Variants in NEK7 observed in about 807,000 individuals in gnomAD.
NEK7 encodes serine/threonine-protein kinase Nek7.
Under a neutral mutation model 44.6 loss-of-function variants are expected in NEK7, and 18 were observed. That is an observed-to-expected ratio of 0.40 (90% CI 0.28 to 0.60). NEK7 has a LOEUF of 0.60. Ranked by LOEUF, NEK7 falls within the 20% of genes least tolerant of loss-of-function variation. The pLI, the probability that NEK7 is intolerant of heterozygous loss-of-function variation, is 0.38. For synonymous variants in NEK7, 130 were observed against 121.1 expected (o/e 1.07, Z -0.48); for missense variants, 256 against 366.5 (o/e 0.70, Z 2.46).
At chr1:198,256,495 T>G (rs1330664422) in intron 3 of NEK7, 1 of 1,569,404 alleles carries the variant, frequency 6.4e-7, no homozygotes, top group South Asian at 1.2e-5. Context: ...AATAAGATGG[T>G]ACCTTAACTA....
intron 1 of NEK7, among the ~76,000 whole-genome samples, chr1:198,184,757 C>A (rs886596677): frequency 2.0e-5 from 3 of 152,112 alleles, no homozygotes; most frequent in African/African-American, 7.2e-5. Context: ...CGGCTTCGAA[C>A]TCCAGGGCTG....
At chr1:198,249,826 A>G (rs1490858393) in intron 2 of NEK7, among the ~76,000 whole-genome samples, 1 of 105,518 alleles carries the variant, frequency 9.5e-6, no homozygotes, top group Non-Finnish European at 1.7e-5. Context: ...ATTTTCTCCC[A>G]TTTTGTAGGT....
intron 7 of NEK7, among the ~76,000 whole-genome samples, chr1:198,284,091 C>G (rs1362323070): frequency 1.3e-5 from 2 of 152,082 alleles, no homozygotes; most frequent in Non-Finnish European, 2.9e-5. Flanking sequence ...TAGTTCTTTA[C>G]AGTTTGCAAA....
At chr1:198,252,928 A>G in intron 2 of NEK7, 112 bp from the exon 3 acceptor site, 1 of 818,886 alleles carries the variant, frequency 1.2e-6, no homozygotes, top group Non-Finnish European at 2.0e-6. Flanking sequence ...GAGTGAATGG[A>G]TGTCTGCAAA....
chr1:198,317,054 C>CT (rs1437119260), intron 9 of NEK7, among the ~76,000 whole-genome samples: 1 of 151,962 alleles, frequency 6.6e-6, no homozygotes, highest in Non-Finnish European at 1.5e-5. Flanking sequence ...TCTTTTTATA[C>CT]TTTATTAATT....
intron 1 of NEK7, among the ~76,000 whole-genome samples, chr1:198,210,286 A>G (rs1327244662): frequency 1.3e-5 from 2 of 152,050 alleles, no homozygotes; most frequent in African/African-American, 2.4e-5. Context: ...GGGTCTTGCT[A>G]TGTTGCTTAG....
At chr1:198,239,397 A>G (rs1269666179) in intron 2 of NEK7, among the ~76,000 whole-genome samples, 1 of 152,066 alleles carries the variant, frequency 6.6e-6, no homozygotes, top group Non-Finnish European at 1.5e-5. Context: ...TGGTAATGTG[A>G]TGGATTTAGG....
intron 8 of NEK7, among the ~76,000 whole-genome samples, chr1:198,295,033 T>A (rs980436267): frequency 6.6e-6 from 1 of 152,030 alleles, no homozygotes; most frequent in Non-Finnish European, 1.5e-5. Flanking sequence ...GAAGCCTTTT[T>A]TGAAAATGTA....
intron 5 of NEK7, among the ~76,000 whole-genome samples, chr1:198,276,661 C>T (rs1654027167): frequency 6.6e-6 from 1 of 151,618 alleles, no homozygotes; most frequent in Non-Finnish European, 1.5e-5. Flanking sequence ...TGTAATGTTA[C>T]TGATATAATA....
At chr1:198,258,962 A>T (rs1238122541) in intron 3 of NEK7, among the ~76,000 whole-genome samples, 4 of 152,144 alleles carry the variant, frequency 2.6e-5, no homozygotes, top group African/African-American at 9.7e-5. Context: ...ATTATTATTT[A>T]TTTTTGTCTT....
chr1:198,301,581 C>G (rs761596438), intron 9 of NEK7, among the ~76,000 whole-genome samples: 4 of 152,130 alleles, frequency 2.6e-5, no homozygotes, highest in Non-Finnish European at 5.9e-5. Flanking sequence ...CATAACATTT[C>G]TTTTCATGTT....
chr1:198,219,654 T>A (rs1034822054), intron 1 of NEK7, among the ~76,000 whole-genome samples: 5 of 151,956 alleles, frequency 3.3e-5, no homozygotes, highest in Non-Finnish European at 5.9e-5. Flanking sequence ...ACTTCACCAC[T>A]GTACACACAT....
chr1:198,221,538 A>C (rs1258280983), intron 1 of NEK7, among the ~76,000 whole-genome samples: 2 of 151,708 alleles, frequency 1.3e-5, no homozygotes, highest in Non-Finnish European at 2.9e-5. Context: ...AGCCTCATTA[A>C]AAAAACTTTT....
chr1:198,310,504 A>G lies in NEK7; in HGVS notation c.799-8908A>G, dbSNP rs1161001005. 5.1e-5 allele frequency among the ~76,000 whole-genome samples: 7 copies of G among 138,024 alleles called. 2 individuals are homozygous for G. The highest frequency in any genetic ancestry group is 9.3e-5 in the Non-Finnish European group (6 of 64,338). The allele number at this position is 138,024 out of a possible 152,430, so 90.5% of individuals were successfully genotyped here. On this transcript the variant is annotated intron_variant, in intron 9 of 9. Coordinates refer to ENST00000367385, the MANE Select transcript of NEK7 (RefSeq NM_133494.3). The stretch of plus-strand genomic sequence containing the variant: ...TGCCATTGCTTTTGGTGTTTTAGAC[A>G]TGAAGTCCTTGCCCATGGTATGTCC...
chr1:198,178,582 G>A (rs982271788), intron 1 of NEK7, among the ~76,000 whole-genome samples: 5 of 152,056 alleles, frequency 3.3e-5, no homozygotes, highest in South Asian at 2.1e-4. Flanking sequence ...GCACTTTAGT[G>A]TAATTGGATC....
intron 2 of NEK7, among the ~76,000 whole-genome samples, chr1:198,243,800 A>C (rs1209632214): frequency 6.6e-6 from 1 of 152,138 alleles, no homozygotes; most frequent in African/African-American, 2.4e-5. Context: ...AATAGGTTAC[A>C]TTTGACATTT....
At chr1:198,157,748 T>TCA (rs1663957834) in intron 1 of NEK7, among the ~76,000 whole-genome samples, 1 of 151,632 alleles carries the variant, frequency 6.6e-6, no homozygotes, top group Non-Finnish European at 1.5e-5. Flanking sequence ...AGAGAGTGGG[T>TCA]GGTGGGAGCC....
At chr1:198,180,070 G>T (rs767693162) in intron 1 of NEK7, among the ~76,000 whole-genome samples, 1 of 152,058 alleles carries the variant, frequency 6.6e-6, no homozygotes, top group Non-Finnish European at 1.5e-5. Flanking sequence ...AATGATAAGT[G>T]TAAAATGTCA....
intron 1 of NEK7, among the ~76,000 whole-genome samples, chr1:198,185,351 C>A (rs1042585223): frequency 1.3e-5 from 2 of 151,718 alleles, no homozygotes; most frequent in Non-Finnish European, 2.9e-5. Context: ...TGATTGGCGT[C>A]TTCTTTTGTG....
Sources: gnomAD v4.1 joint callset for allele counts (sites outside exome capture counted in the v4.1 genomes callset) on GRCh38, gnomAD v4.1.1 for gene constraint, MANE v1.5 for transcripts, NCBI Gene and HGNC (gene_info 2026-07-23, HGNC 2026-07-21) for gene names.